The following TRMT10B variants were observed in gnomAD, a reference collection of about 807,000 sequenced individuals.
The protein encoded by TRMT10B is tRNA methyltransferase 10B.
TRMT10B carries 33 observed loss-of-function variants against 43.8 expected under a neutral mutation model. The ratio of observed to expected loss-of-function variants is 0.75; its 90% confidence interval spans 0.57 to 1.01. The LOEUF is 1.01. TRMT10B is among the 50% of genes least tolerant of loss of function. TRMT10B has a pLI of 0.00. For missense variants in TRMT10B, 362 were observed against 369.8 expected, an observed-to-expected ratio of 0.98 and a Z score of 0.17; for synonymous variants, 137 against 130.6, an observed-to-expected ratio of 1.05 and a Z score of -0.34.
intron 7 of TRMT10B, among the ~76,000 whole-genome samples, 178 bp from the exon 8 acceptor site, chr9:37,776,104 G>A (rs1381805187): frequency 2.0e-5 from 3 of 152,172 alleles, no homozygotes; most frequent in Non-Finnish European, 4.4e-5. Flanking sequence ...GTGGAGGACT[G>A]TGGATGAGTG....
chr9:37,770,834 GAAC>G, intron 7 of TRMT10B, 95 bp downstream of exon 7: 1 of 1,283,532 alleles, frequency 7.8e-7, no homozygotes, highest in South Asian at 1.5e-5. Flanking sequence ...GAGGGTCTAA[GAAC>G]TCAGAGGGAA....
In TRMT10B at chr9:37,770,618, G is replaced by A. The variant is rs1243009888; in HGVS notation, c.653-54G>A. ...TAATTCTTTCATTTTGCTTTCTCTG[G>A]ATTTAGAAATTATAAAACAGATTTG... is the stretch of plus-strand genomic sequence containing the variant. On this transcript the variant is annotated intron_variant, in intron 6 of 8. Coordinates refer to ENST00000297994, the MANE Select transcript of TRMT10B (RefSeq NM_144964.4). The A allele has an allele frequency of 3.4e-6, 5 of 1,491,910 alleles. No homozygotes were observed. In the East Asian group the frequency reaches 1.1e-4, roughly 34 times the overall value. 92.4% of individuals were successfully genotyped at this position (1,491,910 alleles called of 1,614,324 possible).
chr9:37,771,876 G>GTTT (rs74171525), intron 7 of TRMT10B, among the ~76,000 whole-genome samples: 15 of 149,016 alleles, frequency 1.0e-4, no homozygotes, highest in African/African-American at 2.7e-4. Context: ...GACAGAAAAT[G>GTTT]TTTTTTTTTT....
At position 37,777,879 on chromosome 9, in the gene TRMT10B, C is replaced by T; in HGVS notation, c.*172C>T. ...AATTAGCCAGGTGTGGTGGCGCATA[C>T]CTGTAGTCCCAGCTACTTGGGAGGC... On this transcript the variant is annotated 3_prime_UTR_variant, in exon 9 of 9. Coordinates refer to ENST00000297994, the MANE Select transcript of TRMT10B (RefSeq NM_144964.4). 1 of 494,140 alleles carries T rather than the reference C, an allele frequency of 2.0e-6. No individual in the cohort carries two copies. Among genetic ancestry groups the T allele is most frequent in the Non-Finnish European group, 3.7e-6 (1 of 272,324 alleles). 30.6% of individuals were successfully genotyped at this position (494,140 alleles called of 1,614,324 possible).
At chr9:37,752,928 A>G (rs546508216), upstream of TRMT10B, among the ~76,000 whole-genome samples, 266 of 152,224 alleles carry the variant, frequency 1.7e-3, 1 homozygote, top group African/African-American at 5.5e-3. Flanking sequence ...GCCTTTCTGG[A>G]CTGTGGGTGC....
At chr9:37,774,530 T>C (rs939357318) in intron 7 of TRMT10B, among the ~76,000 whole-genome samples, 1 of 152,224 alleles carries the variant, frequency 6.6e-6, no homozygotes, top group African/African-American at 2.4e-5. Context: ...TATGAATCAT[T>C]GTGCAAAGAA....
chr9:37,752,985 C>G (rs960083464), upstream of TRMT10B, among the ~76,000 whole-genome samples: 2 of 152,128 alleles, frequency 1.3e-5, no homozygotes, highest in Non-Finnish European at 2.9e-5. Flanking sequence ...CTTTGGGTCC[C>G]TACTGTCTTT....
Position 37,768,114 on chromosome 9 carries a change from T to C in TRMT10B, c.459T>C (p.Tyr153=), listed in dbSNP as rs1397142040. Residue 153 remains tyrosine, a synonymous_variant, in exon 5 of 9, where the codon TAT becomes TAC. Transcript: ENST00000297994. Reference sequence around the variant, plus strand: ...TGGCTGGACAGATTCGAAGGTTGTATGGTTCAAACAAAAAAGCTGACAGGC... The same window carrying C: ...TGGCTGGACAGATTCGAAGGTTGTACGGTTCAAACAAAAAAGCTGACAGGC... ...SRLAGQIRRL[Y]GSNKKADRPF... The C allele has an allele frequency of 6.2e-7, 1 of 1,614,156 alleles. No homozygotes were observed. Among genetic ancestry groups the C allele is most frequent in the Admixed American group, 1.7e-5 (1 of 60,014 alleles).
intron 7 of TRMT10B, among the ~76,000 whole-genome samples, chr9:37,773,968 A>AC (rs1435351399): frequency 1.3e-5 from 2 of 150,024 alleles, no homozygotes; most frequent in Middle Eastern, 3.2e-3. Context: ...AAAAAAAAAA[A>AC]AAAAAACAAC....
intron 7 of TRMT10B, among the ~76,000 whole-genome samples, chr9:37,774,913 T>G (rs1014970005): frequency 2.0e-5 from 3 of 152,170 alleles, no homozygotes; most frequent in African/African-American, 7.2e-5. Flanking sequence ...GGACTTGAAA[T>G]TCAAAGAAGA....
intron 1 of TRMT10B, among the ~76,000 whole-genome samples, chr9:37,760,841 T>C (rs1344253716): frequency 3.9e-5 from 6 of 152,182 alleles, no homozygotes; most frequent in Non-Finnish European, 7.4e-5. Flanking sequence ...GGACCAGCCA[T>C]AGGTAATGGT....
chr9:37,762,977 CAAAAAA>C (rs57643861), intron 3 of TRMT10B, among the ~76,000 whole-genome samples: 2 of 85,164 alleles, frequency 2.3e-5, no homozygotes, highest in African/African-American at 4.8e-5. Flanking sequence ...ACTAAAAATA[CAAAAAA>C]AAAAAAAAAA....
upstream of TRMT10B, among the ~76,000 whole-genome samples, chr9:37,753,166 A>G (rs1246982846): frequency 6.6e-6 from 1 of 152,056 alleles, no homozygotes; most frequent in East Asian, 1.9e-4. Flanking sequence ...GAGACCATGA[A>G]CCCGCCAGAA....
At chr9:37,757,567 T>C (rs1563983989) in intron 1 of TRMT10B, among the ~76,000 whole-genome samples, 2 of 152,200 alleles carry the variant, frequency 1.3e-5, no homozygotes, top group African/African-American at 4.8e-5. Context: ...ATTTTGAAAA[T>C]CTAGAAGGTA....
At chr9:37,777,471 C>T (rs914726080) in intron 8 of TRMT10B, 130 bp from the exon 9 acceptor site, 22 of 704,344 alleles carry the variant, frequency 3.1e-5, no homozygotes, top group Non-Finnish European at 5.2e-5. Flanking sequence ...TTGCCTCTCC[C>T]CGCAAGACCT....
At position 37,756,725 on chromosome 9, in the gene TRMT10B, GATAT is replaced by G. The variant is rs140692484; in HGVS notation, c.-30+2887_-30+2890del. Among the ~76,000 whole-genome samples, 1,322 of 147,184 alleles carry G rather than the reference GATAT, an allele frequency of 9.0e-3. 13 individuals are homozygous for G. The highest frequency in any genetic ancestry group is 0.03 in the African/African-American group (1,178 of 39,890). ...CAGAGCAAGACTCTCATCTCAAAAA[GATAT>G]ATATATATATATACACACACACACA... On this transcript the variant is annotated intron_variant, in intron 1 of 8. Transcript: ENST00000297994.
chr9:37,776,221 A>G (rs1165606645), intron 7 of TRMT10B, 61 bp from the exon 8 acceptor site: 2 of 1,309,944 alleles, frequency 1.5e-6, no homozygotes, highest in Non-Finnish European at 2.0e-6. Context: ...ATGCTGTATT[A>G]CATTGAGAAT....
At chr9:37,775,605 T>C (rs1195873461) in intron 7 of TRMT10B, among the ~76,000 whole-genome samples, 2 of 152,168 alleles carry the variant, frequency 1.3e-5, no homozygotes, top group African/African-American at 2.4e-5. Flanking sequence ...TCACAGCTCA[T>C]TGCAGCCTTG....
chr9:37,760,534 C>T lies in TRMT10B; in HGVS notation c.-29-1369C>T, dbSNP rs994716404. Among the ~76,000 whole-genome samples, 6 of 152,218 alleles carry T rather than the reference C, an allele frequency of 3.9e-5. No homozygotes were observed. The East Asian group carries it at 7.7e-4, about 20-fold the overall frequency. On this transcript the variant is annotated intron_variant, in intron 1 of 8. Coordinates refer to ENST00000297994, the MANE Select transcript of TRMT10B (RefSeq NM_144964.4). ...CCCTGTCTCAAAAATAGTAATAATA[C>T]GGACTGATTTAAGCGATTTGAATTC...
Sources: allele counts gnomAD v4.1 joint callset (sites outside exome capture counted in the v4.1 genomes callset), GRCh38; gene constraint gnomAD v4.1.1; transcripts MANE v1.5; gene names NCBI Gene and HGNC (gene_info 2026-07-23, HGNC 2026-07-21).